The following OTUD3 variants were observed in gnomAD, a reference collection of about 807,000 sequenced individuals.
OTUD3 encodes the protein OTU domain-containing protein 3.
OTUD3 carries 24 observed loss-of-function variants against 46.2 expected under a neutral mutation model. The observed-to-expected ratio is 0.52, with a 90% CI of 0.38 to 0.73. The LOEUF is 0.73. OTUD3 is among the 30% of genes least tolerant of loss of function. OTUD3 has a pLI of 0.00. For synonymous variants in OTUD3, 189 were observed against 195.4 expected (o/e 0.97, Z 0.27); for missense variants, 455 against 523.3 (o/e 0.87, Z 1.27).
rs1259453013 is a variant in OTUD3, at chr1:19,884,415, A to G, written c.221+1681A>G. 2.6e-5 allele frequency among the ~76,000 whole-genome samples: 4 copies of G among 152,156 alleles called. No homozygotes were observed. In the East Asian group the frequency reaches 5.8e-4, roughly 22 times the overall value. Reference sequence around the variant, plus strand: ...CCATACACACACAGCATACTTTTCAAGTTAATTCAGCACACCTTAAGTAGG... The same window carrying G: ...CCATACACACACAGCATACTTTTCAGGTTAATTCAGCACACCTTAAGTAGG... On this transcript the variant is annotated intron_variant, in intron 1 of 7. Coordinates refer to ENST00000375120, the MANE Select transcript of OTUD3 (RefSeq NM_015207.2).
chr1:19,887,082 C>CT (rs35763768), intron 1 of OTUD3, among the ~76,000 whole-genome samples: 7,471 of 133,378 alleles, frequency 0.056, 230 homozygotes, highest in African/African-American at 0.077. Context: ...TTTTCTTTTT[C>CT]TTTTTTTTTT....
chr1:19,909,691 T>A lies in OTUD3; in HGVS notation c.*1945T>A, dbSNP rs527442352. 2 of 152,412 alleles carry A rather than the reference T, an allele frequency of 1.3e-5. No homozygotes were observed. Among genetic ancestry groups the A allele is most frequent in the Non-Finnish European group, 2.9e-5 (2 of 68,058 alleles). 9.4% of individuals were successfully genotyped at this position (152,412 alleles called of 1,614,324 possible). A position where few individuals can be genotyped will look rare whatever the true frequency, so the allele number is the denominator to read the frequency against. On this transcript the variant is annotated 3_prime_UTR_variant, in exon 8 of 8. Transcript: ENST00000375120. ...CCAGAAATTCAGATTAGCAGTCAGC[T>A]TAAGAGAGACTTATTGTCAGAAGTA...
chr1:19,899,246 G>GTA (rs1372941643), intron 4 of OTUD3, among the ~76,000 whole-genome samples: 1 of 152,118 alleles, frequency 6.6e-6, no homozygotes, highest in African/African-American at 2.4e-5. Flanking sequence ...AGTGGTATTA[G>GTA]TATATCATAA....
At position 19,904,290 on chromosome 1, in the gene OTUD3, A is replaced by G; in HGVS notation, c.630A>G (p.Glu210=). ...AGTTTCAGATGCTTCATCAAGATGA[A>G]TCAAATAAAAGAGAAAAGATCAAGA... is the stretch of plus-strand genomic sequence containing the variant. ...QTDFQMLHQD[E]SNKREKIKTK... is the part of the protein sequence containing the mutation. The change falls in exon 5 of 8, where the codon GAA becomes GAG. Residue 210 remains glutamate, a synonymous_variant. Coordinates refer to ENST00000375120, the MANE Select transcript of OTUD3 (RefSeq NM_015207.2). 1 of 1,606,020 alleles carries G rather than the reference A, an allele frequency of 6.2e-7. No homozygotes were observed. Among genetic ancestry groups the G allele is most frequent in the Non-Finnish European group, 8.5e-7 (1 of 1,176,888 alleles).
At position 19,909,294 on chromosome 1, in the gene OTUD3, C is replaced by T. The variant is rs1334434486; in HGVS notation, c.*1548C>T. ...TTGGTTTTGTTTTTGACTTTGGTGG[C>T]TTTTTGTAGTTGGAGCATCAGTAGT... is the stretch of plus-strand genomic sequence containing the variant. On this transcript the variant is annotated 3_prime_UTR_variant, in exon 8 of 8. Coordinates refer to ENST00000375120, the MANE Select transcript of OTUD3 (RefSeq NM_015207.2). 6.6e-6 allele frequency: 1 copy of T among 152,234 alleles called. No homozygotes were observed. Among genetic ancestry groups the T allele is most frequent in the East Asian group, 1.9e-4 (1 of 5,324 alleles). The allele number at this position is 152,234 out of a possible 1,614,324, so 9.4% of individuals were successfully genotyped here.
In OTUD3 at chr1:19,890,459, C is replaced by T. The variant is rs1282652331; in HGVS notation, c.296C>T (p.Thr99Ile). 6.2e-7 allele frequency: 1 copy of T among 1,613,770 alleles called. No homozygotes were observed. The highest frequency in any genetic ancestry group is 2.2e-5 in the East Asian group (1 of 44,882). The change falls in exon 2 of 8, where the codon ACA (threonine) becomes ATA (isoleucine). Residue 99 changes from threonine to isoleucine, a missense_variant. Physicochemically the swap from Thr to Ile is moderately conservative, Grantham distance 89. Transcript: ENST00000375120. ...SRNHLKHRQE[T>I]VDYMIKQRED... ...AATCATCTCAAGCACAGACAGGAGA[C>T]AGTGGACTACATGATAAAGCAGCGG...
intron 7 of OTUD3, among the ~76,000 whole-genome samples, chr1:19,907,164 T>C (rs1245433383): frequency 6.6e-6 from 1 of 152,132 alleles, no homozygotes; most frequent in African/African-American, 2.4e-5. Flanking sequence ...ATTTTAAAGA[T>C]TTTCACCAAG....
At chr1:19,898,538 G>T (rs1320699236) in intron 4 of OTUD3, among the ~76,000 whole-genome samples, 1 of 151,750 alleles carries the variant, frequency 6.6e-6, no homozygotes, top group Non-Finnish European at 1.5e-5. Flanking sequence ...AGACCAGCCT[G>T]ACCAACACAG....
At chr1:19,896,281 CAT>C (rs914798106) in intron 3 of OTUD3, among the ~76,000 whole-genome samples, 1 of 151,948 alleles carries the variant, frequency 6.6e-6, no homozygotes, top group African/African-American at 2.4e-5. Flanking sequence ...ATGTATGTAA[CAT>C]AGAATGTGAA....
chr1:19,882,403 G>A lies in OTUD3; in HGVS notation c.-111G>A. 1 of 1,299,672 alleles carries A rather than the reference G, an allele frequency of 7.7e-7. No homozygotes were observed. The highest frequency in any genetic ancestry group is 9.7e-7 in the Non-Finnish European group (1 of 1,026,684). 80.5% of individuals were successfully genotyped at this position (1,299,672 alleles called of 1,614,324 possible). On this transcript the variant is annotated 5_prime_UTR_variant, in exon 1 of 8. Transcript: ENST00000375120. ...CCGGCGCAGGCGCGGTTGCTGCGTA[G>A]TCGTCGCCGGGCTCCGTTGCCCGCG...
At chr1:19,888,042 A>C (rs1338865092) in intron 1 of OTUD3, among the ~76,000 whole-genome samples, 1 of 152,294 alleles carries the variant, frequency 6.6e-6, no homozygotes, top group East Asian at 1.9e-4. Context: ...ATATCCCTAT[A>C]ACACAGTGGT....
chr1:19,890,352 G>C, intron 1 of OTUD3, 33 bp from the exon 2 acceptor site: 1 of 1,603,916 alleles, frequency 6.2e-7, no homozygotes, highest in South Asian at 1.1e-5. Flanking sequence ...GTTCATTTTT[G>C]AAAGGTCTTG....
At chr1:19,882,843 C>A in intron 1 of OTUD3, 109 bp downstream of exon 1, 1 of 1,023,134 alleles carries the variant, frequency 9.8e-7, no homozygotes, top group Non-Finnish European at 1.3e-6. Flanking sequence ...GCGGCCCGGG[C>A]GCCTCCCGCG....
intron 1 of OTUD3, among the ~76,000 whole-genome samples, chr1:19,883,542 A>T (rs750832249): frequency 1.3e-5 from 2 of 152,122 alleles, no homozygotes; most frequent in Non-Finnish European, 2.9e-5. Flanking sequence ...AGTGTTAATA[A>T]CAGCCTGGCT....
intron 1 of OTUD3, among the ~76,000 whole-genome samples, 156 bp downstream of exon 1, chr1:19,882,890 G>A (rs2045291807): frequency 6.6e-6 from 1 of 152,244 alleles, no homozygotes; most frequent in Non-Finnish European, 1.5e-5. Context: ...GTCCAGCTGC[G>A]AGTGAGGCGG....
rs1156450402 is a variant in OTUD3, at chr1:19,882,471, C to T, written c.-43C>T. The T allele has an allele frequency of 3.7e-6, 5 of 1,341,482 alleles. No homozygotes were observed. Among genetic ancestry groups the T allele is most frequent in the South Asian group, 1.9e-5 (1 of 51,452 alleles). The allele number at this position is 1,341,482 out of a possible 1,614,324, so 83.1% of individuals were successfully genotyped here. A position where few individuals can be genotyped will look rare whatever the true frequency, so the allele number is the denominator to read the frequency against. On this transcript the variant is annotated 5_prime_UTR_variant, in exon 1 of 8. Coordinates refer to ENST00000375120, the MANE Select transcript of OTUD3 (RefSeq NM_015207.2). ...CGCTTGAGGCGGACGCTGGGGGGTC[C>T]TGCGCCTTTCCCTCCTGCCGCTGGG...
At chr1:19,900,707 AT>A (rs1223891357) in intron 4 of OTUD3, among the ~76,000 whole-genome samples, 1 of 152,052 alleles carries the variant, frequency 6.6e-6, no homozygotes, top group Non-Finnish European at 1.5e-5. Context: ...ATTCCTAGAC[AT>A]TTGGTTCTGG....
chr1:19,900,916 G>GTTTTTTTTTTTTT lies in OTUD3; in HGVS notation c.606+3261_606+3273dup, dbSNP rs990933093. 6.4e-4 allele frequency among the ~76,000 whole-genome samples: 74 copies of GTTTTTTTTTTTTT among 115,668 alleles called. 1 individual carries two copies. The highest frequency in any genetic ancestry group is 8.6e-4 in the South Asian group (3 of 3,488). The allele number at this position is 115,668 out of a possible 152,430, so 75.9% of individuals were successfully genotyped here. The stretch of plus-strand genomic sequence containing the variant: ...AAATCCTATTGAGGTTTTTTTTTTT[G>GTTTTTTTTTTTTT]TTTTTTTTTTTTTTTTTTTGAGACA... On this transcript the variant is annotated intron_variant, in intron 4 of 7. Coordinates refer to ENST00000375120, the MANE Select transcript of OTUD3 (RefSeq NM_015207.2).
intron 4 of OTUD3, among the ~76,000 whole-genome samples, chr1:19,898,281 A>G (rs542368178): frequency 2.6e-5 from 4 of 152,232 alleles, no homozygotes; most frequent in South Asian, 2.1e-4. Flanking sequence ...TCTGAAAACT[A>G]TAGTAAAGGT....
Sources: gnomAD v4.1 joint callset for allele counts (sites outside exome capture counted in the v4.1 genomes callset) on GRCh38, gnomAD v4.1.1 for gene constraint, MANE v1.5 for transcripts, NCBI Gene and HGNC (gene_info 2026-07-23, HGNC 2026-07-21) for gene names.